SHISA9: variants seen among roughly 807,000 people sequenced by gnomAD.
SHISA9 encodes the protein shisa family member 9, also known as protein shisa-9.
SHISA9 carries 13 observed loss-of-function variants against 38.0 expected under a neutral mutation model. The ratio of observed to expected loss-of-function variants is 0.34; its 90% CI spans 0.22 to 0.54. The LOEUF is 0.54. Ranked by LOEUF, SHISA9 falls within the 20% of genes least tolerant of loss-of-function variation. The pLI, the probability that SHISA9 is intolerant of heterozygous loss-of-function variation, is 0.91. For missense variants in SHISA9, 538 were observed against 575.8 expected, an observed-to-expected ratio of 0.93 and a Z score of 0.67; for synonymous variants, 275 against 242.0, an observed-to-expected ratio of 1.14 and a Z score of -1.27.
the SHISA9 span, among the ~76,000 whole-genome samples, chr16:13,454,836 T>G: frequency 6.6e-6 from 1 of 152,196 alleles, no homozygotes; most frequent in African/African-American, 2.4e-5. Context: ...GCTTACTATT[T>G]ACTTCTATTC....
chr16:13,328,099 A>G, the SHISA9 span, among the ~76,000 whole-genome samples: 9 of 152,138 alleles, frequency 5.9e-5, no homozygotes, highest in African/African-American at 1.9e-4. Flanking sequence ...CCACTCCCCT[A>G]AATACAGATA....
At chr16:13,061,261 C>T (rs2073372086) in intron 2 of SHISA9, among the ~76,000 whole-genome samples, 1 of 152,180 alleles carries the variant, frequency 6.6e-6, no homozygotes, top group South Asian at 2.1e-4. Flanking sequence ...GATATAAATA[C>T]GCCTCACACA....
the SHISA9 span, among the ~76,000 whole-genome samples, chr16:13,366,416 A>C: frequency 6.6e-6 from 1 of 152,248 alleles, no homozygotes; most frequent in Non-Finnish European, 1.5e-5. Context: ...TTGTGCATAC[A>C]GATCACTTAA....
chr16:13,183,697 T>C (rs2050796080), intron 2 of SHISA9, among the ~76,000 whole-genome samples: 1 of 152,252 alleles, frequency 6.6e-6, no homozygotes. Context: ...CATAACTACC[T>C]ATTCTCATTT....
Position 12,902,466 on chromosome 16 carries a change from C to A in SHISA9, c.402C>A (p.Pro134=). The A allele has an allele frequency of 6.4e-7, 1 of 1,551,522 alleles. No individual in the cohort carries two copies. Among genetic ancestry groups the A allele is most frequent in the Non-Finnish European group, 8.7e-7 (1 of 1,146,996 alleles). ...DTPLWLNTGK[P]PARKDDPLHD... ...CGCTCTGGCTCAACACCGGCAAGCCCCCCGCCCGCAAGGACGACCCCTTGC... is the reference window on the plus strand; with the variant it reads ...CGCTCTGGCTCAACACCGGCAAGCCACCCGCCCGCAAGGACGACCCCTTGC... The change falls in exon 1 of 5, where the codon CCC becomes CCA. Residue 134 remains proline (P), a synonymous_variant. Transcript: ENST00000558583.
downstream of SHISA9, among the ~76,000 whole-genome samples, chr16:13,243,804 T>A (rs982980532): frequency 6.8e-6 from 1 of 146,908 alleles, no homozygotes; most frequent in Admixed American, 7.0e-5. Context: ...GATGGAGTCT[T>A]GCTCTGTCAC....
At chr16:13,375,033 G>A in the SHISA9 span, among the ~76,000 whole-genome samples, 20,217 of 152,112 alleles carry the variant, frequency 0.13, 1,596 homozygotes, top group East Asian at 0.39. Flanking sequence ...ATTTTTTCTC[G>A]TAAATTTGTT....
chr16:13,457,728 C>G, the SHISA9 span, among the ~76,000 whole-genome samples: 41 of 152,026 alleles, frequency 2.7e-4, no homozygotes, highest in African/African-American at 8.9e-4. Flanking sequence ...CAAACACAGT[C>G]CCCAGAACTT....
the SHISA9 span, among the ~76,000 whole-genome samples, chr16:13,430,678 G>C: frequency 6.6e-6 from 1 of 152,074 alleles, no homozygotes; most frequent in South Asian, 2.1e-4. Context: ...GTCTAAGGTA[G>C]GAGGATCACT....
the SHISA9 span, among the ~76,000 whole-genome samples, chr16:13,292,412 GC>G: frequency 2.0e-5 from 3 of 152,034 alleles, no homozygotes; most frequent in African/African-American, 7.2e-5. Flanking sequence ...AAATAACCTT[GC>G]GTTTATGTTT....
intron 2 of SHISA9, among the ~76,000 whole-genome samples, chr16:12,941,531 C>T (rs2071611680): frequency 6.6e-6 from 1 of 152,082 alleles, no homozygotes; most frequent in Admixed American, 6.5e-5. Flanking sequence ...ACAAACAATC[C>T]AATTATACTC....
the SHISA9 span, among the ~76,000 whole-genome samples, chr16:13,320,316 AAAAAG>A: frequency 6.7e-6 from 1 of 149,048 alleles, no homozygotes; most frequent in African/African-American, 2.5e-5. Flanking sequence ...AAAAAAAAAA[AAAAAG>A]TAGGCAAAAC....
At chr16:13,530,382 C>A in the SHISA9 span, among the ~76,000 whole-genome samples, 1 of 152,174 alleles carries the variant, frequency 6.6e-6, no homozygotes, top group African/African-American at 2.4e-5. Flanking sequence ...CCCTGAACTT[C>A]ATTTTCCCCA....
chr16:13,161,679 C>T (rs1048877056), intron 2 of SHISA9, among the ~76,000 whole-genome samples: 1 of 152,174 alleles, frequency 6.6e-6, no homozygotes, highest in African/African-American at 2.4e-5. Context: ...TATCCCTTGA[C>T]TCTTAGATCT....
At chr16:13,494,200 G>A in the SHISA9 span, among the ~76,000 whole-genome samples, 5 of 152,206 alleles carry the variant, frequency 3.3e-5, no homozygotes, top group East Asian at 9.6e-4. Flanking sequence ...AATTCCCTTT[G>A]TATCATCAGT....
At chr16:13,539,362 G>C in the SHISA9 span, among the ~76,000 whole-genome samples, 3 of 115,830 alleles carry the variant, frequency 2.6e-5, no homozygotes, top group Admixed American at 1.1e-4. Context: ...TATATATAAA[G>C]ACAGGATCTC....
the SHISA9 span, among the ~76,000 whole-genome samples, chr16:13,301,719 T>A: frequency 6.6e-6 from 1 of 152,296 alleles, no homozygotes; most frequent in African/African-American, 2.4e-5. Flanking sequence ...GTAATGATTC[T>A]GTGAATGCAA....
At chr16:13,361,166 G>A in the SHISA9 span, among the ~76,000 whole-genome samples, 1 of 152,204 alleles carries the variant, frequency 6.6e-6, no homozygotes, top group Non-Finnish European at 1.5e-5. Flanking sequence ...GATTAAGAAG[G>A]TACACCATCT....
At chr16:13,144,229 T>A (rs981483699) in intron 2 of SHISA9, among the ~76,000 whole-genome samples, 1 of 151,676 alleles carries the variant, frequency 6.6e-6, no homozygotes, top group Non-Finnish European at 1.5e-5. Flanking sequence ...CTTGGCTCAC[T>A]GCAACCTCTG....
Sources: allele counts gnomAD v4.1 joint callset (sites outside exome capture counted in the v4.1 genomes callset), GRCh38; gene constraint gnomAD v4.1.1; transcripts MANE v1.5; gene names NCBI Gene and HGNC (gene_info 2026-07-23, HGNC 2026-07-21).